Variants in RABGEF1 observed in about 807,000 individuals in gnomAD.
The protein encoded by RABGEF1 is rab5 GDP/GTP exchange factor.
Under a neutral mutation model 57.3 loss-of-function variants are expected in RABGEF1, and 26 were observed. The observed-to-expected ratio is 0.45, with a 90% confidence interval of 0.33 to 0.63. The LOEUF (loss-of-function observed/expected upper bound fraction) is 0.63, where lower values mean the gene tolerates loss of function less well. Among genes scored for constraint, RABGEF1 ranks in the 20% least tolerant of loss-of-function variants. The probability of loss-of-function intolerance (pLI) is 0.02; values close to 1 mark genes in which losing one functional copy is unlikely to be tolerated. For synonymous variants in RABGEF1, 185 were observed against 210.7 expected, an observed-to-expected ratio of 0.88 and a Z score of 1.06; for missense variants, 464 against 607.6, an observed-to-expected ratio of 0.76 and a Z score of 2.48.
chr7:66,724,001 C>A (rs1217810712), intron 2 of RABGEF1, among the ~76,000 whole-genome samples: 1 of 152,060 alleles, frequency 6.6e-6, no homozygotes, highest in Admixed American at 6.6e-5. Flanking sequence ...TTTCCTTTAG[C>A]CTGAAATTTT....
chr7:66,754,744 C>G (rs567723616), intron 1 of RABGEF1, among the ~76,000 whole-genome samples: 5 of 152,306 alleles, frequency 3.3e-5, no homozygotes, highest in East Asian at 1.9e-4. Context: ...ATACATTTCA[C>G]GTCTAGGCAT....
At chr7:66,737,095 A>AGAGC (rs1554311504), upstream of RABGEF1, among the ~76,000 whole-genome samples, 25,150 of 136,168 alleles carry the variant, frequency 0.18, 1,978 homozygotes, top group Middle Eastern at 0.27. Context: ...AGCGAGAGCG[A>AGAGC]GAGAGAGAGA....
At chr7:66,721,018 A>G (rs1795993598) in intron 2 of RABGEF1, among the ~76,000 whole-genome samples, 1 of 152,116 alleles carries the variant, frequency 6.6e-6, no homozygotes, top group Non-Finnish European at 1.5e-5. Context: ...CCCAGGTTCA[A>G]GTGATTCTCC....
upstream of RABGEF1, among the ~76,000 whole-genome samples, chr7:66,679,783 A>G (rs1245078805): frequency 6.6e-6 from 1 of 152,170 alleles, no homozygotes; most frequent in Non-Finnish European, 1.5e-5. Context: ...TAATCCCAGC[A>G]CTTTGGGAGG....
chr7:66,687,946 G>A (rs11977209), intron 1 of RABGEF1, among the ~76,000 whole-genome samples: 2,016 of 152,002 alleles, frequency 0.013, 44 homozygotes, highest in African/African-American at 0.046. Flanking sequence ...TTAGCCAGGC[G>A]TGGTGGTGCA....
At chr7:66,722,308 T>C (rs1253859994) in intron 2 of RABGEF1, among the ~76,000 whole-genome samples, 1 of 152,036 alleles carries the variant, frequency 6.6e-6, no homozygotes, top group Non-Finnish European at 1.5e-5. Flanking sequence ...GGCGTGGTGG[T>C]GCGCGCCTGT....
chr7:66,658,949 A>T, the RABGEF1 span, among the ~76,000 whole-genome samples: 2 of 151,904 alleles, frequency 1.3e-5, no homozygotes, highest in African/African-American at 4.8e-5. Flanking sequence ...GTTAGCCAGG[A>T]TGATCTCTAT....
At chr7:66,661,967 C>T in the RABGEF1 span, among the ~76,000 whole-genome samples, 1 of 152,180 alleles carries the variant, frequency 6.6e-6, no homozygotes, top group Admixed American at 6.5e-5. Flanking sequence ...AGTTCAAGAC[C>T]AGCTGGGCGT....
chr7:66,717,896 G>A (rs764135134), intron 2 of RABGEF1, among the ~76,000 whole-genome samples: 15 of 151,888 alleles, frequency 9.9e-5, no homozygotes, highest in African/African-American at 1.5e-4. Context: ...CTCTTTCTTC[G>A]GTCATGCACA....
intron 3 of RABGEF1, among the ~76,000 whole-genome samples, chr7:66,779,686 A>C (rs1809412564): frequency 6.6e-6 from 1 of 151,538 alleles, no homozygotes; most frequent in African/African-American, 2.4e-5. Context: ...AAAAAAAAAA[A>C]ACACCAAAAA....
At chr7:66,758,229 C>G (rs745659016) in intron 1 of RABGEF1, among the ~76,000 whole-genome samples, 2 of 152,114 alleles carry the variant, frequency 1.3e-5, no homozygotes, top group Admixed American at 6.5e-5. Flanking sequence ...TTTTCTGAGA[C>G]GAAACTGGTT....
chr7:66,665,894 A>G, the RABGEF1 span, among the ~76,000 whole-genome samples: 1 of 152,194 alleles, frequency 6.6e-6, no homozygotes, highest in Non-Finnish European at 1.5e-5. Context: ...TGTGATGAGC[A>G]CTAGTAGAAG....
At chr7:66,798,554 C>G (rs1388394504) in intron 6 of RABGEF1, among the ~76,000 whole-genome samples, 2 of 152,142 alleles carry the variant, frequency 1.3e-5, no homozygotes, top group Non-Finnish European at 1.5e-5. Flanking sequence ...AGCAAGAGGG[C>G]AGGCCTGCTG....
At chr7:66,707,668 A>G (rs1414532349) in intron 1 of RABGEF1, among the ~76,000 whole-genome samples, 1 of 152,186 alleles carries the variant, frequency 6.6e-6, no homozygotes, top group Non-Finnish European at 1.5e-5. Flanking sequence ...AGACTGGGCA[A>G]AAGAGCAAGA....
chr7:66,744,941 C>T (rs1470114481), intron 1 of RABGEF1, among the ~76,000 whole-genome samples: 1 of 151,984 alleles, frequency 6.6e-6, no homozygotes, highest in Non-Finnish European at 1.5e-5. Flanking sequence ...GCCTGTAATC[C>T]CAGCACTTTG....
chr7:66,711,041 T>C (rs1433653468), intron 1 of RABGEF1, among the ~76,000 whole-genome samples: 1 of 152,074 alleles, frequency 6.6e-6, no homozygotes, highest in East Asian at 1.9e-4. Context: ...GTACCTGTAG[T>C]CCCAGCTACT....
At chr7:66,757,231 A>C (rs1802952989) in intron 1 of RABGEF1, among the ~76,000 whole-genome samples, 1 of 152,194 alleles carries the variant, frequency 6.6e-6, no homozygotes, top group South Asian at 2.1e-4. Context: ...AAGTGTTTAC[A>C]TATTGATGCT....
chr7:66,778,987 C>T (rs1375480732), intron 3 of RABGEF1, among the ~76,000 whole-genome samples: 1 of 151,890 alleles, frequency 6.6e-6, no homozygotes, highest in Admixed American at 6.6e-5. Context: ...TGGAAGTGTG[C>T]GCCTGTAATC....
At position 66,771,807 on chromosome 7, in the gene RABGEF1, T is replaced by A. The variant is rs1440999322; in HGVS notation, c.-17-76T>A. ...GCTTGAAGATAATGGAATCACTCACTTTTTGTTCATAATTGGTAAGATTTT... is the reference window on the plus strand; with the variant it reads ...GCTTGAAGATAATGGAATCACTCACATTTTGTTCATAATTGGTAAGATTTT... On this transcript the variant is annotated intron_variant, in intron 1 of 8. Coordinates refer to ENST00000284957, the MANE Select transcript of RABGEF1 (RefSeq NM_014504.3). 5 of 1,133,122 alleles carry A rather than the reference T, an allele frequency of 4.4e-6. No homozygotes were observed. In the East Asian group the frequency reaches 1.2e-4, roughly 26 times the overall value. The allele number at this position is 1,133,122 out of a possible 1,614,324, so 70.2% of individuals were successfully genotyped here. A position where few individuals can be genotyped will look rare whatever the true frequency, so the allele number is the denominator to read the frequency against.
Sources: allele counts gnomAD v4.1 joint callset (sites outside exome capture counted in the v4.1 genomes callset), GRCh38; gene constraint gnomAD v4.1.1; transcripts MANE v1.5; gene names NCBI Gene and HGNC (gene_info 2026-07-23, HGNC 2026-07-21).